PRKN: variants seen among roughly 807,000 people sequenced by gnomAD.
The protein encoded by PRKN is parkin RBR E3 ubiquitin protein ligase.
PRKN carries 56 observed loss-of-function variants against 59.5 expected under a neutral mutation model. The ratio of observed to expected loss-of-function variants is 0.94; its 90% CI spans 0.76 to 1.18. The LOEUF is 1.18. Ranked by LOEUF, PRKN falls within the 50% of genes most tolerant of loss-of-function variation. PRKN has a pLI of 0.00. For missense variants in PRKN, 657 were observed against 596.4 expected (o/e 1.10, Z -1.06); for synonymous variants, 250 against 222.1 (o/e 1.13, Z -1.12).
intron 6 of PRKN, among the ~76,000 whole-genome samples, chr6:161,902,556 A>ATCTATTTTTTTTTTTTTTTTTTTT (rs1382089937): frequency 4.2e-5 from 5 of 118,202 alleles, no homozygotes; most frequent in Admixed American, 8.7e-5. Flanking sequence ...CTATTTATTT[A>ATCTATTTTTTTTTTTTTTTTTTTT]TTTATTTATT....
At chr6:161,516,333 G>A (rs574764304) in intron 9 of PRKN, among the ~76,000 whole-genome samples, 1 of 151,806 alleles carries the variant, frequency 6.6e-6, no homozygotes, top group South Asian at 2.1e-4. Context: ...TGGGTGTGAT[G>A]GCGGGTGCCT....
intron 1 of PRKN, among the ~76,000 whole-genome samples, chr6:162,682,772 CTAAAA>C (rs2128233193): frequency 6.6e-6 from 1 of 151,778 alleles, no homozygotes; most frequent in South Asian, 2.1e-4. Flanking sequence ...CACCTTGAAC[CTAAAA>C]TAAAAGTTTT....
intron 7 of PRKN, among the ~76,000 whole-genome samples, chr6:161,763,576 GTC>G (rs1253725169): frequency 1.3e-5 from 2 of 152,118 alleles, no homozygotes; most frequent in Non-Finnish European, 1.5e-5. Flanking sequence ...ATCTGTTTCT[GTC>G]TCTGTTTCTT....
intron 7 of PRKN, among the ~76,000 whole-genome samples, chr6:161,744,550 T>C (rs1346736578): frequency 6.6e-6 from 1 of 152,164 alleles, no homozygotes; most frequent in African/African-American, 2.4e-5. Context: ...CTAGAGACTA[T>C]ATTAATGAAT....
rs1482463062 is a variant in PRKN, at chr6:161,546,332, G to A, written c.1083+2522C>T. Among the ~76,000 whole-genome samples the A allele has an allele frequency of 1.3e-5, 2 of 151,950 alleles. No individual in the cohort carries two copies. The highest frequency in any genetic ancestry group is 2.9e-5 in the Non-Finnish European group (2 of 68,004). Reference sequence around the variant, plus strand: ...AACCACAAGTAGTTTGTGAAGCCAGGGTTTGAACTTCACACATTCAACGCC... The same window carrying A: ...AACCACAAGTAGTTTGTGAAGCCAGAGTTTGAACTTCACACATTCAACGCC... On this transcript the variant is annotated intron_variant, in intron 9 of 11. Transcript: ENST00000366898. This position sits in a 1 kb window ranked among gnomAD's most constrained non-coding sequence, Gnocchi z 4.4.
At chr6:162,173,415 T>A (rs1783380745) in intron 4 of PRKN, among the ~76,000 whole-genome samples, 1 of 152,212 alleles carries the variant, frequency 6.6e-6, no homozygotes, top group South Asian at 2.1e-4. Context: ...TGGCTTGAGA[T>A]TTAAAGTGGC....
At chr6:162,392,073 A>G (rs1034033308) in intron 2 of PRKN, among the ~76,000 whole-genome samples, 3 of 151,966 alleles carry the variant, frequency 2.0e-5, no homozygotes, top group Non-Finnish European at 4.4e-5. Context: ...ATTAGTACAT[A>G]AATTCCTTGG....
chr6:162,383,704 T>C (rs745416770), intron 2 of PRKN, among the ~76,000 whole-genome samples: 2 of 152,192 alleles, frequency 1.3e-5, no homozygotes, highest in Non-Finnish European at 2.9e-5. Flanking sequence ...AAGCCATGCA[T>C]TGATTTTTTC....
rs1369246125 is a variant in PRKN, at chr6:161,445,334, G to A, written c.1084-58457C>T. ...CCAGGGGAGGAGGGCCACTTGGGCT[G>A]GAATGCAGTTGCTGGGGGCTCATGA... is the stretch of plus-strand genomic sequence containing the variant. On this transcript the variant is annotated intron_variant, in intron 9 of 11. Coordinates refer to ENST00000366898, the MANE Select transcript of PRKN (RefSeq NM_004562.3). This position sits in a 1 kb window ranked among gnomAD's most constrained non-coding sequence, Gnocchi z 7.7. Among the ~76,000 whole-genome samples the A allele has an allele frequency of 1.3e-5, 2 of 152,156 alleles. No individual in the cohort carries two copies. Among genetic ancestry groups the A allele is most frequent in the African/African-American group, 4.8e-5 (2 of 41,436 alleles).
intron 6 of PRKN, among the ~76,000 whole-genome samples, chr6:161,954,059 G>A (rs1161518326): frequency 6.6e-6 from 1 of 152,142 alleles, no homozygotes; most frequent in East Asian, 1.9e-4. Flanking sequence ...ATTTAAGGAG[G>A]CCCTGCATGT....
At chr6:162,417,671 C>T (rs147417362) in intron 2 of PRKN, among the ~76,000 whole-genome samples, 55 of 152,298 alleles carry the variant, frequency 3.6e-4, no homozygotes, top group African/African-American at 1.2e-3. Flanking sequence ...AGGGAACCTC[C>T]CTGTGCCCGA....
chr6:162,552,290 A>C (rs976623977), intron 1 of PRKN, among the ~76,000 whole-genome samples: 1 of 152,186 alleles, frequency 6.6e-6, no homozygotes, highest in Non-Finnish European at 1.5e-5. Context: ...GTAGGGGGAA[A>C]AAACGGGGTT....
chr6:161,965,732 C>G (rs1744990144), intron 6 of PRKN, among the ~76,000 whole-genome samples: 1 of 151,972 alleles, frequency 6.6e-6, no homozygotes, highest in African/African-American at 2.4e-5. Flanking sequence ...CAACTCAAAG[C>G]TGGGGGCTTC....
At chr6:161,541,935 T>G (rs1398908572) in intron 9 of PRKN, among the ~76,000 whole-genome samples, 2 of 152,202 alleles carry the variant, frequency 1.3e-5, no homozygotes, top group Non-Finnish European at 2.9e-5. Context: ...AAATATACTT[T>G]TCTATGTGCA....
rs373905749 is a variant in PRKN at position 162,546,046 on chromosome 6, A to C, written c.8-102573T>G. On this transcript the variant is annotated intron_variant, in intron 1 of 11. Coordinates refer to ENST00000366898, the MANE Select transcript of PRKN (RefSeq NM_004562.3). ...GTTATTCAGTTATCTTAATTTCTTA[A>C]GTTATAAAAGTTAAATTTGAGCCAA... Among the ~76,000 whole-genome samples, 5 of 151,796 alleles carry C rather than the reference A, an allele frequency of 3.3e-5. No homozygotes were observed. In the East Asian group the frequency reaches 5.8e-4, roughly 18 times the overall value.
chr6:161,637,521 C>G (rs1002616844), intron 7 of PRKN, among the ~76,000 whole-genome samples: 2 of 152,006 alleles, frequency 1.3e-5, no homozygotes, highest in African/African-American at 4.8e-5. Flanking sequence ...AAGAACAAAG[C>G]CCAGCTTACT....
intron 1 of PRKN, among the ~76,000 whole-genome samples, chr6:162,550,977 T>C (rs1779311219): frequency 6.6e-6 from 1 of 152,128 alleles, no homozygotes; most frequent in African/African-American, 2.4e-5. Context: ...ATCTCTAGGA[T>C]TGAAACAGAG....
intron 1 of PRKN, among the ~76,000 whole-genome samples, chr6:162,472,294 T>C (rs987662413): frequency 1.1e-4 from 16 of 151,326 alleles, no homozygotes; most frequent in Non-Finnish European, 2.1e-4. Context: ...CATGTGGGTG[T>C]GCTGCCCCCA....
chr6:161,387,293 A>C (rs1786301645), intron 9 of PRKN, among the ~76,000 whole-genome samples: 5 of 152,188 alleles, frequency 3.3e-5, no homozygotes, highest in Admixed American at 3.3e-4. Context: ...ATAGTGAGTG[A>C]GTTCTCACGA....
Sources: allele counts gnomAD v4.1 joint callset (sites outside exome capture counted in the v4.1 genomes callset), GRCh38; gene constraint gnomAD v4.1.1; non-coding constraint Gnocchi (gnomAD v3.1); transcripts MANE v1.5; gene names NCBI Gene and HGNC (gene_info 2026-07-23, HGNC 2026-07-21).